The following PGAP1 variants were observed in gnomAD, a reference collection of about 807,000 sequenced individuals.
PGAP1 encodes the protein post-GPI attachment to proteins inositol deacylase 1, also known as GPI inositol-deacylase.
In PGAP1, 76 loss-of-function variants were observed where a neutral mutation model predicts 127.0. That is an observed-to-expected ratio of 0.60 (90% CI 0.50 to 0.72). The LOEUF is 0.72. PGAP1 is among the 30% of genes least tolerant of loss of function. The probability of loss-of-function intolerance (pLI) is 0.00; values close to 1 mark genes in which losing one functional copy is unlikely to be tolerated. For synonymous variants in PGAP1, 362 were observed against 366.5 expected, an observed-to-expected ratio of 0.99 and a Z score of 0.14; for missense variants, 982 against 1,071.3, an observed-to-expected ratio of 0.92 and a Z score of 1.16.
intron 12 of PGAP1, among the ~76,000 whole-genome samples, chr2:196,880,753 A>G (rs1701704154): frequency 6.6e-6 from 1 of 152,192 alleles, no homozygotes; most frequent in South Asian, 2.1e-4. Flanking sequence ...TTATTTCTCA[A>G]AATTAAGACC....
At chr2:196,868,037 C>A (rs1181640702) in intron 19 of PGAP1, among the ~76,000 whole-genome samples, 5 of 152,180 alleles carry the variant, frequency 3.3e-5, no homozygotes, top group Admixed American at 3.3e-4. Context: ...GAGTCAGACT[C>A]CTGGATTTAG....
chr2:196,856,367 A>G (rs774410496), intron 20 of PGAP1, among the ~76,000 whole-genome samples: 2 of 152,158 alleles, frequency 1.3e-5, no homozygotes, highest in African/African-American at 2.4e-5. Context: ...TAGAGAGAAA[A>G]AAATTATGTT....
intron 20 of PGAP1, among the ~76,000 whole-genome samples, chr2:196,862,137 G>T (rs1259837037): frequency 1.3e-5 from 2 of 151,876 alleles, no homozygotes; most frequent in South Asian, 4.2e-4. Flanking sequence ...AAAGCAAATG[G>T]GAGAAATATC....
intron 17 of PGAP1, 200 bp from the exon 18 acceptor site, chr2:196,872,749 G>T (rs989746266): frequency 3.5e-6 from 2 of 575,464 alleles, no homozygotes; most frequent in African/African-American, 3.8e-5. Flanking sequence ...CGAGAGGGTG[G>T]AAGGGGGTTC....
At chr2:196,919,535 C>A (rs963041180) in intron 2 of PGAP1, among the ~76,000 whole-genome samples, 1 of 152,182 alleles carries the variant, frequency 6.6e-6, no homozygotes, top group Non-Finnish European at 1.5e-5. Flanking sequence ...ACTTCCCTAT[C>A]TCACCTTTCT....
At chr2:196,900,998 C>T (rs1702470727) in intron 5 of PGAP1, among the ~76,000 whole-genome samples, 1 of 152,116 alleles carries the variant, frequency 6.6e-6, no homozygotes, top group Non-Finnish European at 1.5e-5. Context: ...TACACACACA[C>T]CCATGCCTAC....
intron 1 of PGAP1, among the ~76,000 whole-genome samples, chr2:196,921,714 CTATTA>C (rs1418975016): frequency 4.0e-5 from 6 of 151,886 alleles, no homozygotes; most frequent in African/African-American, 1.2e-4. Context: ...TCATAAAATA[CTATTA>C]TGAAAGCAAT....
At chr2:196,898,037 G>A (rs571385251) in intron 6 of PGAP1, among the ~76,000 whole-genome samples, 1 of 152,228 alleles carries the variant, frequency 6.6e-6, no homozygotes, top group Admixed American at 6.5e-5. Context: ...GGCCAGCATG[G>A]TGAAACCTCA....
Position 196,865,017 on chromosome 2 carries a change from T to A in PGAP1, c.1831A>T (p.Arg611Ter). 1 of 1,565,092 alleles carries A rather than the reference T, an allele frequency of 6.4e-7. No homozygotes were observed. Among genetic ancestry groups the A allele is most frequent in the Non-Finnish European group, 8.6e-7 (1 of 1,164,046 alleles). ...YVVSNILLAY[R>*]GQLYSLFSTG... ...GAGAAAAGAGAATATAACTGTCCTCTATAAGCAAGAAGGATATTAGATACG... is the reference window on the plus strand; with the variant it reads ...GAGAAAAGAGAATATAACTGTCCTCAATAAGCAAGAAGGATATTAGATACG... Residue 611 changes from arginine (R) to a stop codon, truncating the protein, a stop_gained, in exon 20 of 27, where the codon AGA (arginine) becomes TGA (stop). Transcript: ENST00000354764. LOFTEE classifies it high-confidence loss of function.
chr2:196,913,081 T>C (rs369010127), intron 3 of PGAP1, 28 bp from the exon 4 acceptor site: 92 of 1,572,982 alleles, frequency 5.8e-5, no homozygotes, highest in Non-Finnish European at 7.2e-5. Context: ...CAGGTCATAA[T>C]TGCGGCTTTG....
chr2:196,876,359 G>C (rs1576137863), intron 13 of PGAP1, among the ~76,000 whole-genome samples: 2 of 152,116 alleles, frequency 1.3e-5, no homozygotes, highest in Admixed American at 1.3e-4. Context: ...ACTATTTCAG[G>C]TTAAACAGTT....
intron 5 of PGAP1, among the ~76,000 whole-genome samples, chr2:196,902,046 G>A (rs1702511095): frequency 1.3e-5 from 2 of 152,096 alleles, no homozygotes; most frequent in African/African-American, 4.8e-5. Context: ...TTGAGTCAGA[G>A]TCTTGTTCTG....
chr2:196,922,389 T>C, intron 1 of PGAP1: 1 of 984,940 alleles, frequency 1.0e-6, no homozygotes, highest in Non-Finnish European at 1.2e-6. Context: ...TCACATAGTT[T>C]TTAAGTTCTC....
chr2:196,864,415 A>C (rs544190079), intron 20 of PGAP1, among the ~76,000 whole-genome samples: 184 of 149,408 alleles, frequency 1.2e-3, no homozygotes, highest in African/African-American at 4.3e-3. Flanking sequence ...AAAAAAAAAA[A>C]GGCATTTGAT....
At chr2:196,851,372 G>A (rs1219501329) in intron 20 of PGAP1, among the ~76,000 whole-genome samples, 1 of 152,018 alleles carries the variant, frequency 6.6e-6, no homozygotes, top group Non-Finnish European at 1.5e-5. Context: ...CCAACCTCGG[G>A]CTGCCACCAC....
chr2:196,893,321 G>A, intron 7 of PGAP1, 76 bp from the exon 8 acceptor site: 1 of 757,980 alleles, frequency 1.3e-6, no homozygotes, highest in African/African-American at 1.8e-5. Flanking sequence ...CTTCAGTAAT[G>A]ATGACAACAG....
In PGAP1 at chr2:196,844,520, T is replaced by C; in HGVS notation, c.2337+4A>G. 6.3e-7 allele frequency: 1 copy of C among 1,588,710 alleles called. No individual in the cohort carries two copies. The highest frequency in any genetic ancestry group is 8.6e-7 in the Non-Finnish European group (1 of 1,169,192). Reference sequence around the variant, plus strand: ...TTATGTAGAGTTTTGAAAATAAAACTTACCACAGGCTGGCTATTCTTAAAA... The same window carrying C: ...TTATGTAGAGTTTTGAAAATAAAACCTACCACAGGCTGGCTATTCTTAAAA... On this transcript the variant is annotated splice_donor_region_variant and intron_variant, in intron 24 of 26. Transcript: ENST00000354764.
At chr2:196,878,190 T>C (rs888714648) in intron 13 of PGAP1, among the ~76,000 whole-genome samples, 19 of 152,186 alleles carry the variant, frequency 1.2e-4, no homozygotes, top group Admixed American at 1.2e-3. Context: ...TGCATGGAAC[T>C]AGAAGTGTTT....
intron 9 of PGAP1, 75 bp downstream of exon 9, chr2:196,892,271 C>T: frequency 1.4e-6 from 1 of 697,020 alleles, no homozygotes; most frequent in Non-Finnish European, 2.5e-6. Context: ...TTTAAAGAGT[C>T]TTTAACTTTT....
Sources: gnomAD v4.1 joint callset for allele counts (sites outside exome capture counted in the v4.1 genomes callset) on GRCh38, gnomAD v4.1.1 for gene constraint, MANE v1.5 for transcripts, NCBI Gene and HGNC (gene_info 2026-07-23, HGNC 2026-07-21) for gene names.